The following SLC22A24 variants were observed in gnomAD, a reference collection of about 807,000 sequenced individuals.
SLC22A24 encodes the protein solute carrier family 22 member 24.
A neutral mutation model predicts 49.8 loss-of-function variants in SLC22A24; 53 were observed. The observed-to-expected ratio is 1.06, with a 90% CI of 0.85 to 1.34. The LOEUF (loss-of-function observed/expected upper bound fraction) is 1.34, where lower values mean the gene tolerates loss of function less well. Among genes scored for constraint, SLC22A24 ranks in the 40% most tolerant of loss-of-function variants. The pLI, the probability that SLC22A24 is intolerant of heterozygous loss-of-function variation, is 0.00. For synonymous variants in SLC22A24, 302 were observed against 256.4 expected (o/e 1.18, Z -1.70); for missense variants, 786 against 675.9 (o/e 1.16, Z -1.81).
chr11:63,118,602 C>A (rs769137794), intron 4 of SLC22A24: 1 of 535,008 alleles, frequency 1.9e-6, no homozygotes, highest in Non-Finnish European at 3.3e-6. Flanking sequence ...CCCAAATTAT[C>A]TCCATCACAT....
chr11:63,117,283 A>G (rs1290438449), intron 4 of SLC22A24, among the ~76,000 whole-genome samples: 1 of 152,106 alleles, frequency 6.6e-6, no homozygotes. Context: ...GCTTTTTGTT[A>G]ACGAATTCTG....
At chr11:63,118,263 C>G (rs995839700) in intron 4 of SLC22A24, among the ~76,000 whole-genome samples, 7 of 151,826 alleles carry the variant, frequency 4.6e-5, no homozygotes, top group African/African-American at 1.7e-4. Context: ...AGAGTAGGAA[C>G]TGAAACTAAG....
chr11:63,095,171 G>A (rs939856227), intron 6 of SLC22A24, among the ~76,000 whole-genome samples: 3 of 151,948 alleles, frequency 2.0e-5, no homozygotes, highest in African/African-American at 4.8e-5. Flanking sequence ...AGGTGTAAGG[G>A]ATCCAGTTTC....
intron 4 of SLC22A24, chr11:63,118,640 C>A: frequency 1.8e-6 from 1 of 554,408 alleles, no homozygotes; most frequent in South Asian, 2.7e-5. Flanking sequence ...ATAAATAATA[C>A]ATTTGCTTCA....
chr11:63,131,390 T>C (rs2087334564), intron 2 of SLC22A24, among the ~76,000 whole-genome samples: 1 of 152,198 alleles, frequency 6.6e-6, no homozygotes, highest in Admixed American at 6.5e-5. Context: ...CTTTACAATT[T>C]GGTATGTTTT....
rs148239429 is a variant in SLC22A24 at position 63,134,335 on chromosome 11, C to T, written c.506+330G>A. Among the ~76,000 whole-genome samples, 615 of 152,280 alleles carry T rather than the reference C, an allele frequency of 4.0e-3. 4 individuals carry two copies. Among genetic ancestry groups the T allele is most frequent in the African/African-American group, 0.014 (564 of 41,562 alleles). ...AGCACCTCCTGCCTCAAACACCCTTCCTCTCCCTGTATTGAACTAACTCCT... is the reference window on the plus strand; with the variant it reads ...AGCACCTCCTGCCTCAAACACCCTTTCTCTCCCTGTATTGAACTAACTCCT... On this transcript the variant is annotated intron_variant, in intron 2 of 9. Coordinates refer to ENST00000612278, the MANE Select transcript of SLC22A24 (RefSeq NM_001136506.2).
chr11:63,097,877 C>A (rs10897345), intron 5 of SLC22A24, among the ~76,000 whole-genome samples: 39,539 of 151,822 alleles, frequency 0.26, 5,444 homozygotes, highest in East Asian at 0.36. Flanking sequence ...AATGAGAACA[C>A]ATGGACACAG....
intron 4 of SLC22A24, among the ~76,000 whole-genome samples, chr11:63,109,884 G>A (rs989934351): frequency 1.3e-5 from 2 of 151,802 alleles, no homozygotes; most frequent in Middle Eastern, 3.2e-3. Flanking sequence ...GGCTTTTGTT[G>A]CCATTGCTTT....
chr11:63,128,539 G>C (rs1401667325), intron 2 of SLC22A24, among the ~76,000 whole-genome samples: 1 of 152,188 alleles, frequency 6.6e-6, no homozygotes, highest in African/African-American at 2.4e-5. Flanking sequence ...TGTTTCAGCG[G>C]TCATGCTCCT....
intron 2 of SLC22A24, among the ~76,000 whole-genome samples, chr11:63,130,514 T>C (rs533496115): frequency 7.2e-5 from 11 of 152,332 alleles, no homozygotes; most frequent in African/African-American, 9.6e-5. Context: ...GGATTCTCTC[T>C]TTTTCTATTA....
chr11:63,131,685 A>G (rs1344246305), intron 2 of SLC22A24, among the ~76,000 whole-genome samples: 1 of 152,128 alleles, frequency 6.6e-6, no homozygotes, highest in Non-Finnish European at 1.5e-5. Flanking sequence ...GGGTAACCCC[A>G]CCTTCATCTC....
At chr11:63,112,344 G>A (rs2087171956) in intron 4 of SLC22A24, among the ~76,000 whole-genome samples, 1 of 152,188 alleles carries the variant, frequency 6.6e-6, no homozygotes, top group Non-Finnish European at 1.5e-5. Context: ...GGGGTAGAGA[G>A]TTCTGTAGAT....
chr11:63,138,033 G>A (rs1398379084), intron 1 of SLC22A24, among the ~76,000 whole-genome samples: 1 of 152,188 alleles, frequency 6.6e-6, no homozygotes, highest in East Asian at 1.9e-4. Flanking sequence ...TATAGTTTGT[G>A]CTAAGAATTT....
At chr11:63,101,346 T>G (rs1439878548) in intron 5 of SLC22A24, among the ~76,000 whole-genome samples, 1 of 151,996 alleles carries the variant, frequency 6.6e-6, no homozygotes, top group Non-Finnish European at 1.5e-5. Flanking sequence ...GTTTATTAAA[T>G]TAATGCTACT....
chr11:63,095,643 A>G (rs1205451884), intron 6 of SLC22A24, among the ~76,000 whole-genome samples: 1 of 152,178 alleles, frequency 6.6e-6, no homozygotes, highest in Non-Finnish European at 1.5e-5. Context: ...GATTTGCAAA[A>G]TTGATCTAGA....
rs546739311 is a variant in SLC22A24, at chr11:63,096,617, A to C, written c.955-511T>G. Among the ~76,000 whole-genome samples, 240 of 152,288 alleles carry C rather than the reference A, an allele frequency of 1.6e-3. 1 individual carries two copies. Among genetic ancestry groups the C allele is most frequent in the African/African-American group, 5.5e-3 (228 of 41,568 alleles). On this transcript the variant is annotated intron_variant, in intron 5 of 9. Transcript: ENST00000612278. ...AGTGCTGCAATAAAAATATGTGTGC[A>C]TGTGTCTTTATGGTAGAATGATTTA...
intron 2 of SLC22A24, among the ~76,000 whole-genome samples, chr11:63,131,485 T>C (rs2087335234): frequency 6.6e-6 from 1 of 152,168 alleles, no homozygotes; most frequent in Non-Finnish European, 1.5e-5. Context: ...GGTGACAAAA[T>C]CTCTCAGCAT....
chr11:63,104,633 G>A (rs1328497348), intron 4 of SLC22A24, among the ~76,000 whole-genome samples: 4 of 152,106 alleles, frequency 2.6e-5, no homozygotes, highest in Admixed American at 6.5e-5. Context: ...CAGAATCATG[G>A]TGGCATGTCT....
intron 1 of SLC22A24, among the ~76,000 whole-genome samples, chr11:63,140,677 T>C (rs938283802): frequency 6.6e-6 from 1 of 152,208 alleles, no homozygotes; most frequent in African/African-American, 2.4e-5. Flanking sequence ...TTATCAGGTT[T>C]TTCACTAAAA....
Sources: gnomAD v4.1 joint callset for allele counts (sites outside exome capture counted in the v4.1 genomes callset) on GRCh38, gnomAD v4.1.1 for gene constraint, MANE v1.5 for transcripts, NCBI Gene and HGNC (gene_info 2026-07-23, HGNC 2026-07-21) for gene names.